RANGAP1: variants seen among roughly 807,000 people sequenced by gnomAD.
The protein encoded by RANGAP1 is ran GTPase-activating protein 1.
In RANGAP1, 38 loss-of-function variants were observed where a neutral mutation model predicts 63.5. That is an observed-to-expected ratio of 0.60 (90% CI 0.46 to 0.78). The LOEUF (loss-of-function observed/expected upper bound fraction) is 0.78. Among genes scored for constraint, RANGAP1 ranks in the 30% least tolerant of loss-of-function variants. The probability of loss-of-function intolerance (pLI) is 0.00; values close to 1 mark genes in which losing one functional copy is unlikely to be tolerated. For synonymous variants in RANGAP1, 329 were observed against 310.5 expected (o/e 1.06, Z -0.63); for missense variants, 630 against 740.3 (o/e 0.85, Z 1.73).
intron 2 of RANGAP1, among the ~76,000 whole-genome samples, chr22:41,278,045 T>TG (rs2035260913): frequency 1.3e-5 from 2 of 150,848 alleles, no homozygotes; most frequent in Non-Finnish European, 3.0e-5. Flanking sequence ...TGAGTTTTTT[T>TG]TTTTTTTTTT....
chr22:41,278,523 C>A (rs2145835546), intron 2 of RANGAP1, among the ~76,000 whole-genome samples: 1 of 152,320 alleles, frequency 6.6e-6, no homozygotes, highest in East Asian at 1.9e-4. Flanking sequence ...ACACGGTGTT[C>A]AATAAATGGC....
the RANGAP1 span, among the ~76,000 whole-genome samples, chr22:41,293,965 C>G: frequency 6.6e-6 from 1 of 151,950 alleles, no homozygotes. Flanking sequence ...GCCTGGCCCA[C>G]CTAACTTTTT....
intron 1 of RANGAP1, among the ~76,000 whole-genome samples, chr22:41,283,610 T>C (rs879653977): frequency 1.3e-5 from 2 of 152,148 alleles, no homozygotes; most frequent in South Asian, 2.1e-4. Flanking sequence ...GATTGGGCCA[T>C]GCACACATCT....
In RANGAP1 at chr22:41,252,896, C is replaced by T. The variant is rs9611529; in HGVS notation, c.1356G>A (p.Lys452=). The T allele has an allele frequency of 4.2e-4, 660 of 1,574,506 alleles. No homozygotes were observed. Among genetic ancestry groups the T allele is most frequent in the Non-Finnish European group, 5.2e-4 (606 of 1,162,062 alleles). ...SPEKLLRLGP[K]SSVLIAQQTD... ...CCTGCTGGGCTATCAGCACGGAGCT[C>T]TTGGGCCCTAGGCGCAGCAGCTTCT... Residue 452 remains lysine (K), a synonymous_variant, in exon 12 of 16, where the codon AAG becomes AAA. Coordinates refer to ENST00000356244, the MANE Select transcript of RANGAP1 (RefSeq NM_002883.4).
At chr22:41,288,026 G>A (rs1335994649), upstream of RANGAP1, among the ~76,000 whole-genome samples, 2 of 152,070 alleles carry the variant, frequency 1.3e-5, no homozygotes. Context: ...AACAGATCAT[G>A]CCATATCCTT....
At chr22:41,273,621 G>A (rs184288911) in intron 3 of RANGAP1, among the ~76,000 whole-genome samples, 1 of 151,006 alleles carries the variant, frequency 6.6e-6, no homozygotes, top group East Asian at 2.0e-4. Flanking sequence ...CAAAAAATTA[G>A]CTGGGCAAGG....
intron 15 of RANGAP1, 152 bp downstream of exon 15, chr22:41,249,178 G>A (rs747632553): frequency 5.7e-5 from 64 of 1,126,144 alleles, no homozygotes; most frequent in Middle Eastern, 6.1e-4. Flanking sequence ...CAGATGCTGA[G>A]AGCCCAGGAG....
At chr22:41,250,698 C>T (rs891032170) in intron 13 of RANGAP1, among the ~76,000 whole-genome samples, 1 of 152,178 alleles carries the variant, frequency 6.6e-6, no homozygotes, top group Admixed American at 6.5e-5. Context: ...CATCCCTCCT[C>T]CCGATAGACC....
intron 1 of RANGAP1, 177 bp from the exon 2 acceptor site, chr22:41,281,259 T>C: frequency 1.2e-6 from 1 of 824,428 alleles, no homozygotes; most frequent in Non-Finnish European, 1.7e-6. Context: ...TTCTAGAAGG[T>C]GCAGGAGGTA....
chr22:41,301,871 C>A, the RANGAP1 span: 1 of 151,520 alleles, frequency 6.6e-6, no homozygotes, highest in South Asian at 2.1e-4. Flanking sequence ...CCGGGCCGGG[C>A]AGGGCTGGGG....
At chr22:41,263,343 T>C (rs2034278818) in intron 5 of RANGAP1, among the ~76,000 whole-genome samples, 1 of 152,244 alleles carries the variant, frequency 6.6e-6, no homozygotes, top group African/African-American at 2.4e-5. Context: ...GCCTGCTTTC[T>C]GTGCTGACGC....
chr22:41,256,933 G>A (rs554367458), intron 7 of RANGAP1, 109 bp from the exon 8 acceptor site: 3 of 752,436 alleles, frequency 4.0e-6, no homozygotes, highest in African/African-American at 1.7e-5. Flanking sequence ...ACCACACACT[G>A]TCCTCCTCTG....
intron 5 of RANGAP1, among the ~76,000 whole-genome samples, chr22:41,262,487 T>A (rs183694305): frequency 7.3e-4 from 111 of 152,322 alleles, no homozygotes; most frequent in African/African-American, 2.5e-3. Context: ...ATGAGGAAGC[T>A]GAGGCTCTGA....
At chr22:41,273,032 C>T (rs2034927911) in intron 3 of RANGAP1, among the ~76,000 whole-genome samples, 1 of 152,052 alleles carries the variant, frequency 6.6e-6, no homozygotes, top group South Asian at 2.1e-4. Flanking sequence ...AAGCTGGTCT[C>T]GAACTTCTGG....
the RANGAP1 span, among the ~76,000 whole-genome samples, chr22:41,299,924 T>A: frequency 6.6e-6 from 1 of 151,952 alleles, no homozygotes; most frequent in Admixed American, 6.6e-5. Flanking sequence ...GCTTATTTTT[T>A]GTATTTTTAG....
chr22:41,248,721 T>C (rs2033223305), intron 15 of RANGAP1, among the ~76,000 whole-genome samples: 1 of 152,168 alleles, frequency 6.6e-6, no homozygotes, highest in African/African-American at 2.4e-5. Flanking sequence ...TCCCGACCCC[T>C]CCCTGGTGGG....
intron 4 of RANGAP1, 108 bp from the exon 5 acceptor site, chr22:41,264,951 G>A (rs1037788272): frequency 1.3e-5 from 15 of 1,115,586 alleles, no homozygotes; most frequent in East Asian, 4.8e-5. Context: ...CCCGGCTGGT[G>A]CAGAACCAAC....
chr22:41,272,615 G>A (rs1249868163), intron 3 of RANGAP1, among the ~76,000 whole-genome samples: 1 of 152,050 alleles, frequency 6.6e-6, no homozygotes, highest in Admixed American at 6.6e-5. Flanking sequence ...CTGCCTCCTG[G>A]TTTCAAGTGA....
intron 2 of RANGAP1, among the ~76,000 whole-genome samples, chr22:41,276,639 C>CA (rs1438957026): frequency 6.7e-6 from 1 of 148,176 alleles, no homozygotes; most frequent in African/African-American, 2.5e-5. Flanking sequence ...AACTCCGTTT[C>CA]AAAAAACAAA....
Sources: allele counts gnomAD v4.1 joint callset (sites outside exome capture counted in the v4.1 genomes callset), GRCh38; gene constraint gnomAD v4.1.1; transcripts MANE v1.5; gene names NCBI Gene and HGNC (gene_info 2026-07-23, HGNC 2026-07-21).